DIS3L2: variants seen among roughly 807,000 people sequenced by gnomAD.
DIS3L2 encodes the protein DIS3-like exonuclease 2.
A neutral mutation model predicts 97.5 loss-of-function variants in DIS3L2; 34 were observed. That is an observed-to-expected ratio of 0.35 (90% confidence interval 0.27 to 0.46). The LOEUF is 0.46. Among genes scored for constraint, DIS3L2 ranks in the 20% least tolerant of loss-of-function variants. The pLI is 1.00. For synonymous variants in DIS3L2, 435 were observed against 445.2 expected (o/e 0.98, Z 0.29); for missense variants, 1,038 against 1,146.0 (o/e 0.91, Z 1.36).
At chr2:232,172,235 A>G (rs891582592) in intron 9 of DIS3L2, among the ~76,000 whole-genome samples, 13 of 152,246 alleles carry the variant, frequency 8.5e-5, no homozygotes, top group Admixed American at 2.6e-4. Context: ...AACCATCACC[A>G]CTATCTAATT....
intron 14 of DIS3L2, among the ~76,000 whole-genome samples, chr2:232,319,957 C>T (rs142788458): frequency 1.3e-5 from 2 of 152,322 alleles, no homozygotes; most frequent in Non-Finnish European, 1.5e-5. Context: ...AGAGTGGCGT[C>T]GGGGAAAGGG....
chr2:232,021,523 G>A (rs1694512159), intron 3 of DIS3L2, among the ~76,000 whole-genome samples: 1 of 152,038 alleles, frequency 6.6e-6, no homozygotes, highest in Non-Finnish European at 1.5e-5. Context: ...GAGTAGGTGG[G>A]TTAGGGGAGC....
At chr2:232,160,727 A>T (rs185669737) in intron 8 of DIS3L2, among the ~76,000 whole-genome samples, 9 of 152,126 alleles carry the variant, frequency 5.9e-5, no homozygotes, top group African/African-American at 2.2e-4. Flanking sequence ...AAATACAAAA[A>T]TTAGATGGGC....
chr2:232,338,306 C>G (rs1248852943), downstream of DIS3L2, among the ~76,000 whole-genome samples: 2 of 152,262 alleles, frequency 1.3e-5, no homozygotes, highest in African/African-American at 2.4e-5. Flanking sequence ...AGCACAGACC[C>G]GGACGGACAC....
intron 9 of DIS3L2, among the ~76,000 whole-genome samples, chr2:232,203,061 G>GA (rs1295917699): frequency 1.3e-5 from 2 of 152,216 alleles, no homozygotes; most frequent in Non-Finnish European, 2.9e-5. Context: ...CCCTGTGGGT[G>GA]AATGATCCAG....
intron 13 of DIS3L2, among the ~76,000 whole-genome samples, chr2:232,342,232 TACACATACACATATATACACATAC>T (rs1469372560): frequency 1.5e-3 from 221 of 148,922 alleles, no homozygotes; most frequent in African/African-American, 5.0e-3. Flanking sequence ...CATACATATA[TACACATACACATATATACACATAC>T]ACACATACAC....
At position 232,087,781 on chromosome 2, in the gene DIS3L2, C is replaced by T. The variant is rs138472317; in HGVS notation, c.601+60C>T. The T allele has an allele frequency of 7.2e-4, 946 of 1,307,706 alleles. 4 individuals carry two copies. In the African/African-American group the frequency reaches 0.012, roughly 17 times the overall value. The allele number at this position is 1,307,706 out of a possible 1,614,324, so 81.0% of individuals were successfully genotyped here. ...AGTACACTGATTAAGTATTGGAATT[C>T]CCTCTCTGCTGCAGAGTAAATAACA... On this transcript the variant is annotated intron_variant, in intron 6 of 20. Transcript: ENST00000325385.
chr2:232,097,647 G>T (rs182339178), intron 6 of DIS3L2, among the ~76,000 whole-genome samples: 166 of 152,150 alleles, frequency 1.1e-3, no homozygotes, highest in African/African-American at 3.9e-3. Context: ...AAAGTGGTGG[G>T]CTCCCCTCTG....
At chr2:231,971,366 C>T (rs1692903041) in intron 1 of DIS3L2, among the ~76,000 whole-genome samples, 1 of 151,764 alleles carries the variant, frequency 6.6e-6, no homozygotes, top group Non-Finnish European at 1.5e-5. Flanking sequence ...GCAACCTCTG[C>T]CTCCCGGGTT....
At chr2:232,184,754 C>T (rs537415149) in intron 9 of DIS3L2, among the ~76,000 whole-genome samples, 2 of 152,270 alleles carry the variant, frequency 1.3e-5, no homozygotes, top group South Asian at 4.2e-4. Flanking sequence ...CGTATTAGGG[C>T]AGGTCAAAAA....
chr2:232,326,434 G>A (rs1163454436), intron 14 of DIS3L2, among the ~76,000 whole-genome samples: 1 of 152,142 alleles, frequency 6.6e-6, no homozygotes, highest in African/African-American at 2.4e-5. Flanking sequence ...AACTCCACTG[G>A]GGACCCACCT....
chr2:232,326,136 G>GA (rs1358558762), intron 14 of DIS3L2, among the ~76,000 whole-genome samples: 1 of 152,200 alleles, frequency 6.6e-6, no homozygotes, highest in Non-Finnish European at 1.5e-5. Context: ...GTTCCCATAG[G>GA]AGCGCCTAGG....
In DIS3L2 at chr2:232,263,395, G is replaced by A. The variant is rs1693771326; in HGVS notation, c.1614G>A (p.Gln538=). Residue 538 remains glutamine (Q), a synonymous_variant, in exon 13 of 21, where the codon CAG becomes CAA. Coordinates refer to ENST00000325385, the MANE Select transcript of DIS3L2 (RefSeq NM_152383.5). ...TGAATCTCCACGGAATTGCCAAGCA[G>A]TTACGCCAGCAGCGCTTTGTGGACG... ...AVLNLHGIAK[Q]LRQQRFVDGA... 2.5e-6 allele frequency: 4 copies of A among 1,614,102 alleles called. No homozygotes were observed. Among genetic ancestry groups the A allele is most frequent in the Non-Finnish European group, 3.4e-6 (4 of 1,180,060 alleles).
intron 7 of DIS3L2, among the ~76,000 whole-genome samples, chr2:232,133,704 G>T (rs1698279134): frequency 1.3e-5 from 2 of 152,104 alleles, no homozygotes; most frequent in African/African-American, 4.8e-5. Flanking sequence ...TTATAAAAAG[G>T]CCGGGCACAG....
chr2:232,124,845 G>A (rs1176217167), intron 6 of DIS3L2, among the ~76,000 whole-genome samples: 4 of 152,184 alleles, frequency 2.6e-5, no homozygotes, highest in African/African-American at 9.7e-5. Context: ...GTCTTCAAAG[G>A]AGCACTAGAC....
chr2:232,305,655 T>TA (rs1334608925), intron 14 of DIS3L2, among the ~76,000 whole-genome samples: 182 of 152,316 alleles, frequency 1.2e-3, no homozygotes, highest in African/African-American at 4.4e-3. Flanking sequence ...CTTGTTTTTT[T>TA]ATCATAAGAT....
chr2:231,962,728 C>G (rs1191639330), intron 1 of DIS3L2, among the ~76,000 whole-genome samples: 1 of 152,198 alleles, frequency 6.6e-6, no homozygotes, highest in Non-Finnish European at 1.5e-5. Flanking sequence ...AGCCACCGCA[C>G]CCGGCCGACT....
chr2:232,311,175 C>T (rs975977737), intron 14 of DIS3L2, among the ~76,000 whole-genome samples: 20 of 152,198 alleles, frequency 1.3e-4, no homozygotes, highest in African/African-American at 4.8e-4. Context: ...CCGCAAAAAT[C>T]GGCAGATTGT....
intron 1 of DIS3L2, among the ~76,000 whole-genome samples, chr2:231,967,888 AT>A (rs1692769434): frequency 6.6e-6 from 1 of 151,978 alleles, no homozygotes. Flanking sequence ...TATTTTTTTG[AT>A]TTATTTAAAA....
Sources: allele counts gnomAD v4.1 joint callset (sites outside exome capture counted in the v4.1 genomes callset), GRCh38; gene constraint gnomAD v4.1.1; transcripts MANE v1.5; gene names NCBI Gene and HGNC (gene_info 2026-07-23, HGNC 2026-07-21).